Variants in HBS1L observed in about 807,000 individuals in gnomAD.
The protein encoded by HBS1L is HBS1-like protein.
Under a neutral mutation model 88.9 loss-of-function variants are expected in HBS1L, and 55 were observed. The ratio of observed to expected loss-of-function variants is 0.62; its 90% CI spans 0.50 to 0.77. HBS1L has a LOEUF of 0.77. Ranked by LOEUF, HBS1L falls within the 30% of genes least tolerant of loss-of-function variation. The pLI, the probability that HBS1L is intolerant of heterozygous loss-of-function variation, is 0.00. For synonymous variants in HBS1L, 267 were observed against 288.5 expected (o/e 0.93, Z 0.76); for missense variants, 741 against 829.3 (o/e 0.89, Z 1.31).
At chr6:135,042,643 T>C (rs1233973731) in intron 2 of HBS1L, among the ~76,000 whole-genome samples, 1 of 151,918 alleles carries the variant, frequency 6.6e-6, no homozygotes, top group Non-Finnish European at 1.5e-5. Flanking sequence ...ACCCCATCTC[T>C]ACTAAAAATA....
At chr6:134,971,027 CA>C (rs1774467040) in intron 15 of HBS1L, among the ~76,000 whole-genome samples, 1 of 150,964 alleles carries the variant, frequency 6.6e-6, no homozygotes, top group Non-Finnish European at 1.5e-5. Flanking sequence ...TTTGCACATT[CA>C]GAAAACAGAA....
chr6:135,014,820 C>G (rs981191173), intron 4 of HBS1L, among the ~76,000 whole-genome samples: 3 of 132,138 alleles, frequency 2.3e-5, no homozygotes, highest in Non-Finnish European at 1.5e-5. Flanking sequence ...AGTTCAAGAC[C>G]AGCCTGGGCA....
intron 8 of HBS1L, among the ~76,000 whole-genome samples, chr6:134,991,445 G>A (rs1775135618): frequency 1.3e-5 from 2 of 152,132 alleles, no homozygotes; most frequent in African/African-American, 4.8e-5. Flanking sequence ...ACAGTTGACT[G>A]AATCCGTAAA....
intron 6 of HBS1L, 45 bp downstream of exon 6, chr6:134,997,352 C>A (rs768433284): frequency 1.2e-6 from 2 of 1,609,838 alleles, no homozygotes; most frequent in Non-Finnish European, 1.7e-6. Context: ...AGTGGGCAGG[C>A]TAAGGCATGG....
chr6:135,023,215 C>T (rs1402599844), intron 4 of HBS1L, among the ~76,000 whole-genome samples: 4 of 151,936 alleles, frequency 2.6e-5, no homozygotes, highest in Admixed American at 6.6e-5. Flanking sequence ...GAGGCCGAGG[C>T]GGGCAGATCA....
Position 135,054,799 on chromosome 6 carries a change from T to C in HBS1L, c.-108A>G, listed in dbSNP as rs899549164. The C allele has an allele frequency of 1.2e-5, 17 of 1,383,222 alleles. 1 individual carries two copies. Among genetic ancestry groups the C allele is most frequent in the Middle Eastern group, 3.6e-4 (2 of 5,492 alleles). 85.7% of individuals were successfully genotyped at this position (1,383,222 alleles called of 1,614,324 possible). Reference sequence around the variant, plus strand: ...CCTGGAGAACCCCTATGCGCCATCTTGGCTTCCCGCAGGCCTCTGCGCCGA... The same window carrying C: ...CCTGGAGAACCCCTATGCGCCATCTCGGCTTCCCGCAGGCCTCTGCGCCGA... On this transcript the variant is annotated 5_prime_UTR_variant, in exon 1 of 18. Coordinates refer to ENST00000367837, the MANE Select transcript of HBS1L (RefSeq NM_006620.4).
At chr6:134,996,639 T>G in intron 7 of HBS1L, 138 bp downstream of exon 7, 1 of 566,346 alleles carries the variant, frequency 1.8e-6, no homozygotes, top group Non-Finnish European at 2.9e-6. Flanking sequence ...GTCAAAATAG[T>G]TCCCTGATAT....
At chr6:134,999,304 GC>G (rs1238566072) in intron 5 of HBS1L, among the ~76,000 whole-genome samples, 1 of 152,114 alleles carries the variant, frequency 6.6e-6, no homozygotes, top group African/African-American at 2.4e-5. Context: ...AATCCAGGCA[GC>G]CCTCAGAGGG....
At chr6:134,981,539 T>C (rs1222678019) in intron 13 of HBS1L, among the ~76,000 whole-genome samples, 1 of 151,896 alleles carries the variant, frequency 6.6e-6, no homozygotes, top group Non-Finnish European at 1.5e-5. Flanking sequence ...AAAATATACA[T>C]TCAAATTGAT....
intron 15 of HBS1L, among the ~76,000 whole-genome samples, chr6:134,971,235 G>A (rs1358988342): frequency 1.3e-5 from 2 of 152,162 alleles, no homozygotes; most frequent in African/African-American, 4.8e-5. Context: ...TACTGGGGAT[G>A]AAAAACTTGC....
intron 4 of HBS1L, chr6:135,036,749 G>A (rs540908288): frequency 7.7e-6 from 12 of 1,551,364 alleles, no homozygotes; most frequent in African/African-American, 2.7e-5. Flanking sequence ...AGTGGGTAAC[G>A]AAGACACAGT....
At position 134,982,598 on chromosome 6, in the gene HBS1L, C is replaced by T. The variant is rs767231522; in HGVS notation, c.1493-36G>A. 1.1e-5 allele frequency: 13 copies of T among 1,187,994 alleles called. No homozygotes were observed. In the South Asian group the frequency reaches 1.5e-4, roughly 14 times the overall value. 73.6% of individuals were successfully genotyped at this position (1,187,994 alleles called of 1,614,324 possible). On this transcript the variant is annotated intron_variant, in intron 12 of 17. Transcript: ENST00000367837. ...TACCAAAATCTTATGGTTCATACAG[C>T]AATGTTATCTGATGATTAATACCGT... is the stretch of plus-strand genomic sequence containing the variant.
chr6:134,967,645 C>T (rs1344761036), intron 16 of HBS1L, among the ~76,000 whole-genome samples: 1 of 152,118 alleles, frequency 6.6e-6, no homozygotes, highest in Non-Finnish European at 1.5e-5. Flanking sequence ...GGGGAAGACT[C>T]AGGATTATAT....
intron 4 of HBS1L, among the ~76,000 whole-genome samples, chr6:135,004,670 G>T (rs534734236): frequency 2.7e-4 from 41 of 151,986 alleles, no homozygotes; most frequent in African/African-American, 9.2e-4. Context: ...GGAGAGGAGA[G>T]GATGAAGTAA....
In HBS1L at chr6:134,961,838, A is replaced by G. The variant is rs145705489; in HGVS notation, c.*3441T>C. 4.6e-5 allele frequency: 7 copies of G among 152,260 alleles called. No individual in the cohort carries two copies. The East Asian group carries it at 9.6e-4, about 21-fold the overall frequency. The allele number at this position is 152,260 out of a possible 1,614,324, so 9.4% of individuals were successfully genotyped here. ...GTCTCTCTTGCTGCAGCAAGCATCA[A>G]TAAAACTAATTTTGATTATAATTAT... On this transcript the variant is annotated 3_prime_UTR_variant, in exon 18 of 18. Transcript: ENST00000367837.
At chr6:134,969,757 T>C (rs1348878200) in intron 15 of HBS1L, among the ~76,000 whole-genome samples, 1 of 152,058 alleles carries the variant, frequency 6.6e-6, no homozygotes, top group Non-Finnish European at 1.5e-5. Flanking sequence ...TTCTCTTCTG[T>C]CTGTACCTCA....
intron 2 of HBS1L, among the ~76,000 whole-genome samples, chr6:135,042,907 A>G (rs545385572): frequency 1.3e-5 from 2 of 152,290 alleles, no homozygotes; most frequent in Non-Finnish European, 2.9e-5. Context: ...ACAGACTTTA[A>G]TCTTTAAACA....
intron 2 of HBS1L, among the ~76,000 whole-genome samples, chr6:135,046,523 A>T (rs925761122): frequency 1.1e-4 from 17 of 152,186 alleles, no homozygotes; most frequent in African/African-American, 4.1e-4. Context: ...TTCAATACTC[A>T]GTATCAATCT....
At chr6:135,037,737 T>C in intron 4 of HBS1L, 2 of 1,551,190 alleles carry the variant, frequency 1.3e-6, no homozygotes, top group Non-Finnish European at 1.7e-6. Context: ...ATCTGACTGA[T>C]GGCTGACTTT....
Sources: gnomAD v4.1 joint callset for allele counts (sites outside exome capture counted in the v4.1 genomes callset) on GRCh38, gnomAD v4.1.1 for gene constraint, MANE v1.5 for transcripts, NCBI Gene and HGNC (gene_info 2026-07-23, HGNC 2026-07-21) for gene names.